The following GNAQ variants were observed in gnomAD, a reference collection of about 807,000 sequenced individuals.
The protein encoded by GNAQ is guanine nucleotide-binding protein G(q) subunit alpha.
A neutral mutation model predicts 43.9 loss-of-function variants in GNAQ; 8 were observed. That is an observed-to-expected ratio of 0.18 (90% confidence interval 0.11 to 0.33). The LOEUF is 0.33. Among genes scored for constraint, GNAQ ranks in the 10% least tolerant of loss-of-function variants. The pLI is 1.00. For synonymous variants in GNAQ, 155 were observed against 170.7 expected (o/e 0.91, Z 0.71); for missense variants, 158 against 450.8 (o/e 0.35, Z 5.88).
chr9:77,759,898 CTTTCTTTCTTTTT>C (rs1825964362), intron 5 of GNAQ, among the ~76,000 whole-genome samples: 2 of 149,638 alleles, frequency 1.3e-5, no homozygotes, highest in African/African-American at 4.9e-5. Context: ...CTCTTTTTTT[CTTTCTTTCTTTTT>C]TTTCTTTTCC....
intron 2 of GNAQ, among the ~76,000 whole-genome samples, chr9:77,917,449 C>G (rs1828928252): frequency 1.3e-5 from 2 of 151,878 alleles, no homozygotes; most frequent in Non-Finnish European, 2.9e-5. Context: ...ATCTGTACAC[C>G]AAACCCCCAT....
At chr9:77,741,954 G>C (rs1330911631) in intron 5 of GNAQ, among the ~76,000 whole-genome samples, 2 of 152,040 alleles carry the variant, frequency 1.3e-5, no homozygotes, top group Admixed American at 6.6e-5. Flanking sequence ...AGATTTTTTG[G>C]GCAAACTCTT....
At position 77,882,373 on chromosome 9, in the gene GNAQ, C is replaced by T. The variant is rs550715295; in HGVS notation, c.321+39788G>A. 5.3e-5 allele frequency among the ~76,000 whole-genome samples: 8 copies of T among 152,168 alleles called. No individual in the cohort carries two copies. The South Asian group carries it at 1.7e-3, about 32-fold the overall frequency. ...GAACCCAGAAGCTTAAAAAAATAAG[C>T]CATCTGGACGGCAGTTTGGCAAAAC... On this transcript the variant is annotated intron_variant, in intron 2 of 6. Coordinates refer to ENST00000286548, the MANE Select transcript of GNAQ (RefSeq NM_002072.5).
intron 1 of GNAQ, among the ~76,000 whole-genome samples, chr9:78,030,196 G>A (rs1262521895): frequency 6.6e-6 from 1 of 152,160 alleles, no homozygotes; most frequent in Admixed American, 6.5e-5. Context: ...GAGAGTAACT[G>A]AGAGACTGCA....
At chr9:77,939,309 C>T (rs755300556) in intron 1 of GNAQ, among the ~76,000 whole-genome samples, 1 of 152,338 alleles carries the variant, frequency 6.6e-6, no homozygotes, top group South Asian at 2.1e-4. Flanking sequence ...ATGCATGCAA[C>T]GGCTACGCAT....
At chr9:77,741,440 T>C (rs1380016283) in intron 5 of GNAQ, among the ~76,000 whole-genome samples, 1 of 152,226 alleles carries the variant, frequency 6.6e-6, no homozygotes, top group Admixed American at 6.5e-5. Flanking sequence ...CTTTGAGCCT[T>C]AATTTTGTCC....
chr9:77,773,497 G>C (rs559583976), intron 5 of GNAQ, among the ~76,000 whole-genome samples: 55 of 152,346 alleles, frequency 3.6e-4, no homozygotes, highest in South Asian at 2.7e-3. Context: ...GGGAGGCACA[G>C]TGATATTAAC....
At chr9:77,818,861 G>A (rs775007578) in intron 2 of GNAQ, among the ~76,000 whole-genome samples, 8 of 151,796 alleles carry the variant, frequency 5.3e-5, no homozygotes, top group East Asian at 1.9e-4. Flanking sequence ...TTAGCTGAGC[G>A]TGGTGGTATG....
At chr9:77,757,282 A>G (rs942182158) in intron 5 of GNAQ, among the ~76,000 whole-genome samples, 4 of 152,186 alleles carry the variant, frequency 2.6e-5, no homozygotes, top group Non-Finnish European at 5.9e-5. Flanking sequence ...CTAAATCGGC[A>G]AGGCAACCAT....
intron 2 of GNAQ, among the ~76,000 whole-genome samples, chr9:77,822,836 T>C (rs1008324185): frequency 6.6e-6 from 1 of 152,100 alleles, no homozygotes; most frequent in African/African-American, 2.4e-5. Flanking sequence ...TAAATGCCCC[T>C]TTAACAGAGC....
chr9:77,762,525 CG>C (rs1455684509), intron 5 of GNAQ, among the ~76,000 whole-genome samples: 7 of 149,046 alleles, frequency 4.7e-5, no homozygotes, highest in Admixed American at 1.3e-4. Flanking sequence ...AGGTGAGGGG[CG>C]CCTCTGCCCG....
At chr9:77,790,616 T>C (rs1267657662) in intron 5 of GNAQ, among the ~76,000 whole-genome samples, 1 of 151,934 alleles carries the variant, frequency 6.6e-6, no homozygotes, top group Non-Finnish European at 1.5e-5. Flanking sequence ...TAGAGGAGAG[T>C]TATTTCAACT....
At chr9:77,981,489 C>T (rs1823367607) in intron 1 of GNAQ, among the ~76,000 whole-genome samples, 1 of 152,196 alleles carries the variant, frequency 6.6e-6, no homozygotes, top group Non-Finnish European at 1.5e-5. Flanking sequence ...GGCCACGGCA[C>T]AGCAGGGCAA....
Position 77,861,437 on chromosome 9 carries a change from T to G in GNAQ, c.322-45667A>C, listed in dbSNP as rs527335068. On this transcript the variant is annotated intron_variant, in intron 2 of 6. Coordinates refer to ENST00000286548, the MANE Select transcript of GNAQ (RefSeq NM_002072.5). The stretch of plus-strand genomic sequence containing the variant: ...CAGTCCCCCAAAGTCTTAACTCATT[T>G]CAGCATTAACTCAGACAGTCCAAAG... 1.1e-4 allele frequency among the ~76,000 whole-genome samples: 17 copies of G among 152,308 alleles called. No individual in the cohort carries two copies. The South Asian group carries it at 1.5e-3, about 13-fold the overall frequency.
At chr9:77,723,294 T>C (rs1825347302) in intron 6 of GNAQ, among the ~76,000 whole-genome samples, 1 of 152,210 alleles carries the variant, frequency 6.6e-6, no homozygotes, top group Admixed American at 6.5e-5. Flanking sequence ...CTGTTGGGAA[T>C]GTACAAAGGT....
At chr9:77,998,348 A>G (rs1286310652) in intron 1 of GNAQ, among the ~76,000 whole-genome samples, 1 of 152,260 alleles carries the variant, frequency 6.6e-6, no homozygotes, top group East Asian at 1.9e-4. Context: ...ACAGATTTGA[A>G]GTGAGAATAT....
Position 78,031,593 on chromosome 9 carries a change from C to G in GNAQ, c.-358G>C, listed in dbSNP as rs1243020015. On this transcript the variant is annotated 5_prime_UTR_variant, in exon 1 of 7. Coordinates refer to ENST00000286548, the MANE Select transcript of GNAQ (RefSeq NM_002072.5). The stretch of plus-strand genomic sequence containing the variant: ...GCGGCCCGCCTCGCCCCCCGAGCCG[C>G]CGCCGCCGCCGCCGCCTGCGAGGCT... 6.6e-6 allele frequency: 1 copy of G among 151,546 alleles called. No homozygotes were observed. Among genetic ancestry groups the G allele is most frequent in the African/African-American group, 2.4e-5 (1 of 41,000 alleles). 9.4% of individuals were successfully genotyped at this position (151,546 alleles called of 1,614,324 possible).
chr9:77,753,388 A>C (rs1054930929), intron 5 of GNAQ, among the ~76,000 whole-genome samples: 2 of 152,200 alleles, frequency 1.3e-5, no homozygotes, highest in African/African-American at 4.8e-5. Context: ...GTCTATCAGC[A>C]TCTAACATGT....
intron 2 of GNAQ, among the ~76,000 whole-genome samples, chr9:77,901,290 T>C (rs1367386972): frequency 6.6e-6 from 1 of 152,214 alleles, no homozygotes; most frequent in Non-Finnish European, 1.5e-5. Context: ...ATCTCCAGGA[T>C]GTGGAATTGG....
Sources: allele counts gnomAD v4.1 joint callset (sites outside exome capture counted in the v4.1 genomes callset), GRCh38; gene constraint gnomAD v4.1.1; transcripts MANE v1.5; gene names NCBI Gene and HGNC (gene_info 2026-07-23, HGNC 2026-07-21).